Variants in STARD13 observed in about 807,000 individuals in gnomAD.
The protein encoded by STARD13 is stAR-related lipid transfer protein 13.
Under a neutral mutation model 106.4 loss-of-function variants are expected in STARD13, and 62 were observed. The observed-to-expected ratio is 0.58, with a 90% confidence interval of 0.48 to 0.72. STARD13 has a LOEUF of 0.72. Ranked by LOEUF, STARD13 falls within the 30% of genes least tolerant of loss-of-function variation. The pLI is 0.00. For missense variants in STARD13, 1,387 were observed against 1,424.0 expected, an observed-to-expected ratio of 0.97 and a Z score of 0.42; for synonymous variants, 565 against 553.0, an observed-to-expected ratio of 1.02 and a Z score of -0.31.
In STARD13 at chr13:33,349,193, C is replaced by G. The variant is rs558970533; in HGVS notation, c.148G>C (p.Asp50His). 288 of 702,324 alleles carry G rather than the reference C, an allele frequency of 4.1e-4. 2 individuals are homozygous for G. The African/African-American group carries it at 4.6e-3, about 11-fold the overall frequency. The allele number at this position is 702,324 out of a possible 1,614,324, so 43.5% of individuals were successfully genotyped here. ...ACTTTCTTCTGCCCCATGTGGTGGT[C>G]ACTGCCCAGCTCAAGAGATAGTCCT... The change falls in exon 2 of 2, where the codon GAC becomes CAC. Residue 50 changes from aspartate (D) to histidine (H), a missense_variant. Transcript: ENST00000439831.
At chr13:33,311,592 T>G (rs1297542781) in intron 1 of STARD13, among the ~76,000 whole-genome samples, 1 of 152,226 alleles carries the variant, frequency 6.6e-6, no homozygotes, top group Non-Finnish European at 1.5e-5. Flanking sequence ...AATCAGATTA[T>G]TAAAAGTGCT....
Position 33,126,086 on chromosome 13 carries a change from C to A in STARD13, c.2077G>T (p.Asp693Tyr), listed in dbSNP as rs754311830. The A allele has an allele frequency of 1.2e-5, 19 of 1,613,644 alleles. No homozygotes were observed. Among genetic ancestry groups the A allele is most frequent in the Non-Finnish European group, 1.6e-5 (19 of 1,179,914 alleles). Residue 693 changes from aspartate to tyrosine, a missense_variant, in exon 7 of 14, where the codon GAT becomes TAT. Physicochemically the swap from Asp to Tyr is radical, Grantham distance 160 (BLOSUM62 -3). Coordinates refer to ENST00000336934, the MANE Select transcript of STARD13 (RefSeq NM_178006.4). ...CGGGGGGGTTACAGCCCTACCTGATCGAGGCAGTTGCTGCGTAGATATCTC... is the reference window on the plus strand; with the variant it reads ...CGGGGGGGTTACAGCCCTACCTGATAGAGGCAGTTGCTGCGTAGATATCTC... The part of the protein sequence containing the change: ...ALRYLRSNCL[D>Y]QVGLFRKSGV...
intron 4 of STARD13, among the ~76,000 whole-genome samples, chr13:33,139,326 G>C (rs1879501104): frequency 6.6e-6 from 1 of 152,238 alleles, no homozygotes; most frequent in South Asian, 2.1e-4. Flanking sequence ...CTTTGGGCAA[G>C]TGCCAAGCCC....
intron 1 of STARD13, among the ~76,000 whole-genome samples, chr13:33,230,235 G>T (rs555104610): frequency 2.0e-5 from 3 of 152,210 alleles, no homozygotes; most frequent in African/African-American, 7.2e-5. Flanking sequence ...TGCAACATAA[G>T]ATCATCATCT....
chr13:33,450,419 A>G, the STARD13 span, among the ~76,000 whole-genome samples: 2 of 152,116 alleles, frequency 1.3e-5, no homozygotes, highest in Admixed American at 6.6e-5. Flanking sequence ...AATGAATTCC[A>G]CTTGATTATG....
the STARD13 span, among the ~76,000 whole-genome samples, chr13:33,526,622 AACAAGCT>A: frequency 6.6e-6 from 1 of 152,104 alleles, no homozygotes; most frequent in African/African-American, 2.4e-5. Context: ...TCTGACACTT[AACAAGCT>A]ACAGACTACA....
the STARD13 span, among the ~76,000 whole-genome samples, chr13:33,422,289 A>G: frequency 1.5e-4 from 23 of 152,226 alleles, no homozygotes; most frequent in Non-Finnish European, 2.5e-4. Context: ...ACAAGCATTC[A>G]TATACATCAA....
chr13:33,230,548 A>G (rs961874682), intron 1 of STARD13, among the ~76,000 whole-genome samples: 1 of 152,232 alleles, frequency 6.6e-6, no homozygotes, highest in Admixed American at 6.5e-5. Context: ...AGCTTTCATA[A>G]TCTTCTTTTG....
the STARD13 span, among the ~76,000 whole-genome samples, chr13:33,398,105 C>T: frequency 3.3e-5 from 5 of 152,122 alleles, no homozygotes; most frequent in Non-Finnish European, 7.4e-5. Flanking sequence ...CCTTTACTGC[C>T]TGTTATTGAA....
intron 4 of STARD13, chr13:33,138,688 T>G: frequency 3.3e-6 from 1 of 306,020 alleles, no homozygotes; most frequent in East Asian, 1.1e-4. Context: ...GCCGCGGGAG[T>G]GGAGAGCCCG....
At position 33,129,038 on chromosome 13, in the gene STARD13, T is replaced by C; in HGVS notation, c.1639A>G (p.Thr547Ala). ...ACATCTCTTTCCACATCACTGGGTG[T>C]CGTCCGACCTTCTGAGACAGAGTTA... ...EGNSVSEGRT[T>A]PSDVERDVTS... The change falls in exon 5 of 14, where the codon ACA becomes GCA. Residue 547 changes from threonine (T) to alanine (A), a missense_variant. Coordinates refer to ENST00000336934, the MANE Select transcript of STARD13 (RefSeq NM_178006.4). 6.2e-7 allele frequency: 1 copy of C among 1,614,104 alleles called. No individual in the cohort carries two copies. Among genetic ancestry groups the C allele is most frequent in the Non-Finnish European group, 8.5e-7 (1 of 1,180,016 alleles).
chr13:33,495,441 GAT>G, the STARD13 span, among the ~76,000 whole-genome samples: 1 of 152,128 alleles, frequency 6.6e-6, no homozygotes, highest in South Asian at 2.1e-4. Flanking sequence ...GAAGATAAAT[GAT>G]AAACATTTAC....
chr13:33,378,933 A>G, the STARD13 span, among the ~76,000 whole-genome samples: 1 of 151,970 alleles, frequency 6.6e-6, no homozygotes, highest in Non-Finnish European at 1.5e-5. Context: ...AACATGGTGG[A>G]GCCCCGTCTC....
the STARD13 span, among the ~76,000 whole-genome samples, chr13:33,604,649 A>G: frequency 1.3e-5 from 2 of 152,030 alleles, no homozygotes; most frequent in African/African-American, 2.4e-5. Flanking sequence ...AAATACAAAT[A>G]TTAGCTGGGC....
intron 3 of STARD13, chr13:33,164,186 A>C (rs1330489530): frequency 6.6e-6 from 1 of 152,170 alleles, no homozygotes; most frequent in African/African-American, 2.4e-5. Flanking sequence ...TTTCTTGAAC[A>C]TTCAGAGATC....
intron 1 of STARD13, among the ~76,000 whole-genome samples, chr13:33,318,986 T>C (rs1893447291): frequency 6.6e-6 from 1 of 152,288 alleles, no homozygotes; most frequent in Admixed American, 6.5e-5. Context: ...GGAAAACCAT[T>C]TGGCAGTTCC....
the STARD13 span, among the ~76,000 whole-genome samples, chr13:33,407,062 T>A: frequency 6.6e-6 from 1 of 152,192 alleles, no homozygotes; most frequent in Non-Finnish European, 1.5e-5. Context: ...GTTCATTCTT[T>A]GAGAGAGCAG....
chr13:33,643,856 A>G, the STARD13 span, among the ~76,000 whole-genome samples: 3 of 152,132 alleles, frequency 2.0e-5, no homozygotes, highest in Admixed American at 1.3e-4. Context: ...CCCCCAGGAG[A>G]TTCTAGACAT....
At chr13:33,423,642 C>G in the STARD13 span, among the ~76,000 whole-genome samples, 4 of 152,318 alleles carry the variant, frequency 2.6e-5, no homozygotes, top group African/African-American at 9.6e-5. Flanking sequence ...GACACAGGCA[C>G]TCGCATGTTT....
Sources: allele counts gnomAD v4.1 joint callset (sites outside exome capture counted in the v4.1 genomes callset), GRCh38; gene constraint gnomAD v4.1.1; transcripts MANE v1.5; gene names NCBI Gene and HGNC (gene_info 2026-07-23, HGNC 2026-07-21).